Variants in PATJ observed in about 807,000 individuals in gnomAD.
The protein encoded by PATJ is PATJ crumbs cell polarity complex component.
Under a neutral mutation model 224.9 loss-of-function variants are expected in PATJ, and 190 were observed. The ratio of observed to expected loss-of-function variants is 0.84; its 90% confidence interval spans 0.75 to 0.95. The LOEUF (loss-of-function observed/expected upper bound fraction) is 0.95. PATJ is among the 40% of genes least tolerant of loss of function. The pLI, the probability that PATJ is intolerant of heterozygous loss-of-function variation, is 0.00. For synonymous variants in PATJ, 769 were observed against 820.3 expected (o/e 0.94, Z 1.07); for missense variants, 2,121 against 2,270.3 (o/e 0.93, Z 1.34).
At chr1:61,875,492 T>C in intron 21 of PATJ, 126 bp downstream of exon 21, 1 of 654,020 alleles carries the variant, frequency 1.5e-6, no homozygotes. Flanking sequence ...TTATGTCTGC[T>C]TAATAATTAA....
Position 61,919,243 on chromosome 1 carries a change from C to G in PATJ, c.3570+4579C>G, listed in dbSNP as rs530382419. ...CCCCTTAATAATCTTTAGTTAAATGCAGAGATTATTTATTTTCTACTTTCT... is the reference window on the plus strand; with the variant it reads ...CCCCTTAATAATCTTTAGTTAAATGGAGAGATTATTTATTTTCTACTTTCT... On this transcript the variant is annotated intron_variant, in intron 26 of 43. Transcript: ENST00000642238. Among the ~76,000 whole-genome samples, 5 of 152,006 alleles carry G rather than the reference C, an allele frequency of 3.3e-5. No homozygotes were observed. In the South Asian group the frequency reaches 1.0e-3, roughly 32 times the overall value.
intron 21 of PATJ, among the ~76,000 whole-genome samples, chr1:61,881,433 C>G (rs571505575): frequency 1.5e-5 from 2 of 132,476 alleles, no homozygotes; most frequent in Non-Finnish European, 3.2e-5. Context: ...TTTTTTGAGA[C>G]AGAGTCTTGC....
intron 1 of PATJ, among the ~76,000 whole-genome samples, chr1:61,758,090 G>A (rs1645752370): frequency 6.6e-6 from 1 of 152,086 alleles, no homozygotes; most frequent in Non-Finnish European, 1.5e-5. Flanking sequence ...GCAAAGGGTT[G>A]GATTGTCAAA....
chr1:62,129,033 A>C lies in PATJ; in HGVS notation c.5271+88A>C, dbSNP rs1666016447. The C allele has an allele frequency of 3.8e-6, 3 of 792,858 alleles. No individual in the cohort carries two copies. The South Asian group carries it at 5.5e-5, about 14-fold the overall frequency. 49.1% of individuals were successfully genotyped at this position (792,858 alleles called of 1,614,324 possible). ...AGCGTCACTGGCAGTAGACATCGCC[A>C]CCCAGCAGGGTGCTTGCTGATGTGA... On this transcript the variant is annotated intron_variant, in intron 41 of 43. Coordinates refer to ENST00000642238, the MANE Select transcript of PATJ (RefSeq NM_001350145.3).
chr1:61,777,705 T>TC (rs1647002646), intron 7 of PATJ, among the ~76,000 whole-genome samples: 1 of 36,162 alleles, frequency 2.8e-5, no homozygotes. Flanking sequence ...CTTTCTTTCT[T>TC]TTTTTTTTTT....
intron 5 of PATJ, among the ~76,000 whole-genome samples, chr1:61,771,112 G>T (rs1326438519): frequency 6.6e-6 from 1 of 152,068 alleles, no homozygotes; most frequent in African/African-American, 2.4e-5. Context: ...GGAGGTTTGG[G>T]TTCATGCAGT....
intron 27 of PATJ, among the ~76,000 whole-genome samples, chr1:61,989,926 A>G (rs1036789605): frequency 2.0e-5 from 3 of 152,154 alleles, no homozygotes; most frequent in African/African-American, 7.2e-5. Context: ...AGTTCCAGCT[A>G]CTTGGGAGGC....
chr1:61,819,627 C>T (rs948277163), intron 14 of PATJ, among the ~76,000 whole-genome samples: 7 of 142,230 alleles, frequency 4.9e-5, no homozygotes, highest in Non-Finnish European at 7.7e-5. Flanking sequence ...TGGGGGGGCG[C>T]GGGTGGGAAG....
intron 24 of PATJ, among the ~76,000 whole-genome samples, chr1:61,906,223 G>A (rs984614951): frequency 3.3e-5 from 5 of 152,168 alleles, no homozygotes; most frequent in Admixed American, 6.5e-5. Flanking sequence ...CACACTCTGG[G>A]TATACCACCT....
intron 28 of PATJ, among the ~76,000 whole-genome samples, chr1:62,015,036 A>C (rs888542630): frequency 1.3e-5 from 2 of 152,188 alleles, no homozygotes; most frequent in African/African-American, 2.4e-5. Context: ...GCAGTGGCTC[A>C]CGCCTGTAAT....
intron 26 of PATJ, among the ~76,000 whole-genome samples, chr1:61,919,320 T>G (rs1269735900): frequency 6.6e-6 from 1 of 150,718 alleles, no homozygotes; most frequent in Non-Finnish European, 1.5e-5. Flanking sequence ...TTCTTTTTCT[T>G]TTTTTTTTGG....
At chr1:62,058,959 A>G (rs891951365) in intron 31 of PATJ, among the ~76,000 whole-genome samples, 1 of 152,240 alleles carries the variant, frequency 6.6e-6, no homozygotes, top group Non-Finnish European at 1.5e-5. Flanking sequence ...GAGATTTTCC[A>G]TAAAAATCCA....
At chr1:61,871,522 AAT>A (rs1557793716) in intron 20 of PATJ, among the ~76,000 whole-genome samples, 41 of 9,902 alleles carry the variant, frequency 4.1e-3, no homozygotes, top group African/African-American at 9.8e-3. Context: ...CATATATATA[AAT>A]ATGTGTGTGT....
At chr1:61,822,028 G>A (rs376016015) in intron 14 of PATJ, among the ~76,000 whole-genome samples, 1 of 152,246 alleles carries the variant, frequency 6.6e-6, no homozygotes. Flanking sequence ...TTCCCAAATC[G>A]GAAATGTTTT....
intron 3 of PATJ, among the ~76,000 whole-genome samples, chr1:61,764,779 CT>C (rs1646165051): frequency 1.3e-5 from 2 of 152,106 alleles, no homozygotes; most frequent in Non-Finnish European, 2.9e-5. Context: ...AATTTATACC[CT>C]AATTTTAGCA....
chr1:62,122,151 G>A (rs1665136743), intron 38 of PATJ, among the ~76,000 whole-genome samples: 1 of 151,780 alleles, frequency 6.6e-6, no homozygotes, highest in South Asian at 2.1e-4. Context: ...GATCACCTGA[G>A]GTCAGGAGTT....
At chr1:62,154,845 T>C (rs1669016093) in intron 43 of PATJ, among the ~76,000 whole-genome samples, 1 of 152,212 alleles carries the variant, frequency 6.6e-6, no homozygotes, top group South Asian at 2.1e-4. Context: ...ATTTGGCATT[T>C]ACTTTTGGAC....
intron 1 of PATJ, among the ~76,000 whole-genome samples, chr1:61,756,563 CT>C (rs370667808): frequency 0.078 from 5,135 of 65,656 alleles, 71 homozygotes; most frequent in South Asian, 0.13. Context: ...AACCAGGACA[CT>C]TTTTTTTTTT....
intron 24 of PATJ, among the ~76,000 whole-genome samples, chr1:61,907,131 A>G (rs1458386192): frequency 1.3e-5 from 2 of 152,110 alleles, no homozygotes; most frequent in African/African-American, 2.4e-5. Flanking sequence ...CTATGATTGT[A>G]AGTTTCCTGA....
Sources: allele counts gnomAD v4.1 joint callset (sites outside exome capture counted in the v4.1 genomes callset), GRCh38; gene constraint gnomAD v4.1.1; transcripts MANE v1.5; gene names NCBI Gene and HGNC (gene_info 2026-07-23, HGNC 2026-07-21).